PACRG: variants seen among roughly 807,000 people sequenced by gnomAD.
PACRG encodes parkin coregulated gene protein.
PACRG carries 29 observed loss-of-function variants against 29.7 expected under a neutral mutation model. The observed-to-expected ratio is 0.98, with a 90% CI of 0.73 to 1.33. The LOEUF is 1.33. Among genes scored for constraint, PACRG ranks in the 40% most tolerant of loss-of-function variants. The pLI, the probability that PACRG is intolerant of heterozygous loss-of-function variation, is 0.00. For synonymous variants in PACRG, 116 were observed against 118.7 expected (o/e 0.98, Z 0.15); for missense variants, 279 against 316.2 (o/e 0.88, Z 0.89).
chr6:163,166,273 A>G, intron 4 of PACRG: 1 of 425,114 alleles, frequency 2.4e-6, no homozygotes, highest in Non-Finnish European at 4.8e-6. Context: ...CTGCTCAACA[A>G]CAACAACAAA....
chr6:163,199,607 G>T (rs1390924512), intron 4 of PACRG, among the ~76,000 whole-genome samples: 1 of 152,180 alleles, frequency 6.6e-6, no homozygotes. Flanking sequence ...ACCCTTAACT[G>T]CCAAGCTTGG....
intron 4 of PACRG, among the ~76,000 whole-genome samples, chr6:163,114,262 C>A (rs1335763367): frequency 1.3e-5 from 2 of 152,102 alleles, no homozygotes; most frequent in African/African-American, 4.8e-5. Context: ...AAAACAACAA[C>A]AACAACAAAA....
intron 4 of PACRG, chr6:163,095,276 A>T: frequency 1.0e-6 from 1 of 985,330 alleles, no homozygotes; most frequent in Non-Finnish European, 1.2e-6. Context: ...AAAAAGCATC[A>T]GGGGAGTGGG....
intron 4 of PACRG, among the ~76,000 whole-genome samples, chr6:163,240,509 C>T (rs564969704): frequency 6.6e-6 from 1 of 151,904 alleles, no homozygotes; most frequent in African/African-American, 2.4e-5. Flanking sequence ...GTCCAATGGT[C>T]GCCTTGCCTG....
intron 2 of PACRG, among the ~76,000 whole-genome samples, chr6:162,897,044 G>A (rs978379053): frequency 6.6e-6 from 1 of 152,146 alleles, no homozygotes; most frequent in South Asian, 2.1e-4. Flanking sequence ...CTGCCAATGA[G>A]CCCCTACAAC....
chr6:163,093,003 GCTT>G (rs1814252134), intron 4 of PACRG, among the ~76,000 whole-genome samples: 1 of 152,180 alleles, frequency 6.6e-6, no homozygotes, highest in Non-Finnish European at 1.5e-5. Flanking sequence ...CAGTGCCTTT[GCTT>G]CAAATGGTTC....
At chr6:162,805,576 A>G (rs1786250348) in intron 1 of PACRG, among the ~76,000 whole-genome samples, 1 of 152,226 alleles carries the variant, frequency 6.6e-6, no homozygotes, top group Non-Finnish European at 1.5e-5. Context: ...ATTTCTCTGT[A>G]GCATGTGATG....
chr6:163,258,124 A>G (rs977701350), intron 4 of PACRG, among the ~76,000 whole-genome samples: 3 of 152,162 alleles, frequency 2.0e-5, no homozygotes, highest in Non-Finnish European at 4.4e-5. Context: ...AACAGAATTT[A>G]CTTCATCTAT....
chr6:163,002,761 T>C (rs1804703813), intron 2 of PACRG, among the ~76,000 whole-genome samples: 1 of 152,204 alleles, frequency 6.6e-6, no homozygotes, highest in Admixed American at 6.5e-5. Flanking sequence ...TTTCTGTGTG[T>C]GAAAGTGTTT....
chr6:163,053,371 C>T (rs1255954517), intron 2 of PACRG, among the ~76,000 whole-genome samples: 8 of 151,980 alleles, frequency 5.3e-5, no homozygotes, highest in Non-Finnish European at 8.8e-5. Context: ...TTCTCAGTAT[C>T]TTTTTTTAAA....
intron 4 of PACRG, among the ~76,000 whole-genome samples, chr6:163,106,618 G>A (rs1815396096): frequency 6.6e-6 from 1 of 152,070 alleles, no homozygotes; most frequent in African/African-American, 2.4e-5. Flanking sequence ...GATTTTTATT[G>A]CATATGTTTA....
At chr6:162,736,860 T>C (rs1305974697) in intron 1 of PACRG, among the ~76,000 whole-genome samples, 1 of 152,002 alleles carries the variant, frequency 6.6e-6, no homozygotes, top group Non-Finnish European at 1.5e-5. Context: ...ATATTTTACA[T>C]GTTGTTGAAA....
At chr6:162,989,834 C>A (rs1211470455) in intron 2 of PACRG, among the ~76,000 whole-genome samples, 1 of 151,506 alleles carries the variant, frequency 6.6e-6, no homozygotes, top group Non-Finnish European at 1.5e-5. Flanking sequence ...GTGCGCTGCA[C>A]CCACTAACTC....
intron 4 of PACRG, among the ~76,000 whole-genome samples, chr6:163,235,916 A>AT (rs58093554): frequency 0.41 from 62,857 of 151,828 alleles, 13,992 homozygotes; most frequent in African/African-American, 0.57. Flanking sequence ...AAACACTAAA[A>AT]AAGAAAGGAA....
At position 162,747,402 on chromosome 6, in the gene PACRG, GTATA is replaced by G. The variant is rs68075936; in HGVS notation, c.156+19022_156+19025del. 2.9e-4 allele frequency among the ~76,000 whole-genome samples: 8 copies of G among 27,618 alleles called. 1 individual carries two copies. The highest frequency in any genetic ancestry group is 1.0e-3 in the South Asian group (1 of 960). The allele number at this position is 27,618 out of a possible 152,430, so 18.1% of individuals were successfully genotyped here. On this transcript the variant is annotated intron_variant, in intron 1 of 4. Transcript: ENST00000366888. ...TATGTATATATATGTATATATATAT[GTATA>G]TATATATATAACTATAAATATATAT... is the stretch of plus-strand genomic sequence containing the variant.
intron 1 of PACRG, among the ~76,000 whole-genome samples, chr6:162,766,438 A>T (rs969085923): frequency 1.4e-5 from 2 of 141,554 alleles, no homozygotes; most frequent in African/African-American, 5.6e-5. Flanking sequence ...TATTTATACC[A>T]CATTTAAAAA....
intron 1 of PACRG, among the ~76,000 whole-genome samples, chr6:162,753,981 A>G (rs1781709087): frequency 6.6e-6 from 1 of 152,178 alleles, no homozygotes; most frequent in Non-Finnish European, 1.5e-5. Flanking sequence ...TATTGATTTC[A>G]GTTCCTTATG....
At chr6:162,808,492 A>G (rs192280401) in intron 1 of PACRG, among the ~76,000 whole-genome samples, 152 of 152,330 alleles carry the variant, frequency 1.0e-3, no homozygotes, top group African/African-American at 3.5e-3. Flanking sequence ...TTTTCAAACT[A>G]TATGATGAAG....
chr6:162,845,841 C>T (rs1790324716), intron 2 of PACRG, among the ~76,000 whole-genome samples: 1 of 152,192 alleles, frequency 6.6e-6, no homozygotes. Context: ...TGTATGTTAT[C>T]ATACACTACC....
Sources: gnomAD v4.1 joint callset for allele counts (sites outside exome capture counted in the v4.1 genomes callset) on GRCh38, gnomAD v4.1.1 for gene constraint, MANE v1.5 for transcripts, NCBI Gene and HGNC (gene_info 2026-07-23, HGNC 2026-07-21) for gene names.